The following NF1 variants were observed in gnomAD, a reference collection of about 807,000 sequenced individuals.
NF1 encodes the protein neurofibromin 1.
In NF1, 122 loss-of-function variants were observed where a neutral mutation model predicts 325.7. The observed-to-expected ratio is 0.37, with a 90% CI of 0.32 to 0.44. The LOEUF (loss-of-function observed/expected upper bound fraction) is 0.44, where lower values mean the gene tolerates loss of function less well. NF1 is among the 20% of genes least tolerant of loss of function. The probability of loss-of-function intolerance (pLI) is 1.00; values close to 1 mark genes in which losing one functional copy is unlikely to be tolerated. For synonymous variants in NF1, 1,091 were observed against 1,186.0 expected, an observed-to-expected ratio of 0.92 and a Z score of 1.65; for missense variants, 2,140 against 3,415.4, an observed-to-expected ratio of 0.63 and a Z score of 9.31.
intron 36 of NF1, chr17:31,295,004 G>A: frequency 3.1e-6 from 5 of 1,614,030 alleles, no homozygotes; most frequent in Middle Eastern, 3.3e-4. Context: ...AGAAAATGCA[G>A]ACCCTCAGAC....
rs575979398 is a variant in NF1, at chr17:31,260,282, C to T, written c.4431-87C>T. ...TCCATATTTGTAATCTTAGTTACTTCACAAAGTTACTTCTTATAAATTTAA... is the reference window on the plus strand; with the variant it reads ...TCCATATTTGTAATCTTAGTTACTTTACAAAGTTACTTCTTATAAATTTAA... On this transcript the variant is annotated intron_variant, in intron 33 of 57. Transcript: ENST00000358273. 1.8e-5 allele frequency: 25 copies of T among 1,375,898 alleles called. No individual in the cohort carries two copies. The African/African-American group carries it at 2.7e-4, about 15-fold the overall frequency. The allele number at this position is 1,375,898 out of a possible 1,614,324, so 85.2% of individuals were successfully genotyped here. A position where few individuals can be genotyped will look rare whatever the true frequency, so the allele number is the denominator to read the frequency against.
chr17:31,196,961 GT>G (rs990754335), intron 8 of NF1, among the ~76,000 whole-genome samples: 1 of 152,124 alleles, frequency 6.6e-6, no homozygotes, highest in Non-Finnish European at 1.5e-5. Flanking sequence ...ATAAGAAAGT[GT>G]GAGTTCTCCA....
chr17:31,366,551 A>G (rs1321424964), intron 57 of NF1, among the ~76,000 whole-genome samples: 1 of 152,262 alleles, frequency 6.6e-6, no homozygotes, highest in Admixed American at 6.5e-5. Flanking sequence ...CTAAACTTAG[A>G]CTTGGCTCTG....
intron 31 of NF1, chr17:31,253,224 G>T (rs2067524698): frequency 4.0e-6 from 2 of 501,194 alleles, no homozygotes; most frequent in Non-Finnish European, 3.6e-6. Flanking sequence ...GGCAATTTGT[G>T]GGCATTTGTT....
intron 36 of NF1, chr17:31,295,875 G>A: frequency 6.2e-7 from 1 of 1,614,168 alleles, no homozygotes; most frequent in Non-Finnish European, 8.5e-7. Flanking sequence ...TTACTACTGA[G>A]GTTGAGAACC....
chr17:31,245,090 G>A (rs1408893969), intron 29 of NF1, among the ~76,000 whole-genome samples: 1 of 152,088 alleles, frequency 6.6e-6, no homozygotes, highest in African/African-American at 2.4e-5. Context: ...ACCTGAAATG[G>A]ACTGCAGTGT....
intron 1 of NF1, among the ~76,000 whole-genome samples, chr17:31,127,242 T>C (rs1316420325): frequency 1.3e-5 from 2 of 152,180 alleles, no homozygotes; most frequent in Non-Finnish European, 2.9e-5. Flanking sequence ...AAAAGACTTA[T>C]AATAATGCCT....
At chr17:31,234,177 A>G (rs1477653940) in intron 27 of NF1, among the ~76,000 whole-genome samples, 1 of 152,218 alleles carries the variant, frequency 6.6e-6, no homozygotes, top group Non-Finnish European at 1.5e-5. Context: ...GTCTGTAGGC[A>G]CAATGCTGCA....
intron 29 of NF1, among the ~76,000 whole-genome samples, chr17:31,243,804 C>A (rs2067345385): frequency 1.3e-5 from 2 of 151,920 alleles, no homozygotes; most frequent in African/African-American, 4.8e-5. Context: ...AGTGCCCTAC[C>A]CCACTGTGTC....
Position 31,325,984 on chromosome 17 carries a change from C to G in NF1, c.5000C>G (p.Pro1667Arg), listed in dbSNP as rs764611240. Reference sequence around the variant, plus strand: ...CTCTCTAAGTGGTTTGTTGTTTTTCCTGGCTTTGCTTACGACAACGTCTCC... The same window carrying G: ...CTCTCTAAGTGGTTTGTTGTTTTTCGTGGCTTTGCTTACGACAACGTCTCC... ...DFLSKWFVVFPGFAYDNVSAV... is the reference protein window; with the variant it reads ...DFLSKWFVVFRGFAYDNVSAV... Residue 1667 changes from proline (P) to arginine (R), a missense_variant, in exon 37 of 58, where the codon CCT (proline) becomes CGT (arginine). This residue lies in a region of NF1 where 103 missense variants were observed against 214.6 expected (regional missense o/e 0.48). Coordinates refer to ENST00000358273, the MANE Select transcript of NF1 (RefSeq NM_001042492.3). 1 of 1,614,166 alleles carries G rather than the reference C, an allele frequency of 6.2e-7. No homozygotes were observed. Among genetic ancestry groups the G allele is most frequent in the Non-Finnish European group, 8.5e-7 (1 of 1,180,034 alleles).
At chr17:31,219,973 T>G (rs904737075) in intron 14 of NF1, among the ~76,000 whole-genome samples, 2 of 152,160 alleles carry the variant, frequency 1.3e-5, no homozygotes, top group Non-Finnish European at 2.9e-5. Context: ...ACGTTTGGTG[T>G]TGTTTCTACT....
chr17:31,313,678 C>T (rs1211229676), intron 36 of NF1, among the ~76,000 whole-genome samples: 1 of 148,598 alleles, frequency 6.7e-6, no homozygotes, highest in African/African-American at 2.5e-5. Flanking sequence ...TGCACTCCAG[C>T]CTGGGAGACA....
intron 14 of NF1, among the ~76,000 whole-genome samples, chr17:31,220,250 A>G (rs2066898778): frequency 6.6e-6 from 1 of 152,202 alleles, no homozygotes. Flanking sequence ...TACATACTGT[A>G]CAAATGTTTA....
chr17:31,233,304 A>G (rs747531131), intron 27 of NF1, 91 bp downstream of exon 27: 161 of 1,249,616 alleles, frequency 1.3e-4, no homozygotes, highest in Non-Finnish European at 1.8e-4. Context: ...TGTTGAATGA[A>G]TTGATAAAAT....
chr17:31,264,953 T>A (rs926840058), intron 35 of NF1, among the ~76,000 whole-genome samples: 2 of 152,174 alleles, frequency 1.3e-5, no homozygotes, highest in Non-Finnish European at 2.9e-5. Context: ...AATCATAAAC[T>A]TCTGTCTGGG....
chr17:31,373,759 A>C (rs2070688677), intron 57 of NF1, among the ~76,000 whole-genome samples: 2 of 152,236 alleles, frequency 1.3e-5, no homozygotes, highest in South Asian at 4.1e-4. Context: ...TTACAACTAC[A>C]TAAAGTACAC....
chr17:31,157,357 A>G (rs1308321803), intron 2 of NF1, among the ~76,000 whole-genome samples: 1 of 152,144 alleles, frequency 6.6e-6, no homozygotes, highest in Non-Finnish European at 1.5e-5. Flanking sequence ...ATAGATTGTG[A>G]AGATTGTTCC....
chr17:31,250,757 AAGG>A, intron 30 of NF1: 1 of 188,574 alleles, frequency 5.3e-6, no homozygotes, highest in Non-Finnish European at 1.1e-5. Flanking sequence ...ACAGCTAAGA[AAGG>A]AGGAAAATAG....
chr17:31,238,036 TA>T (rs2067232474), intron 29 of NF1, among the ~76,000 whole-genome samples: 1 of 110,154 alleles, frequency 9.1e-6, no homozygotes, highest in Non-Finnish European at 1.6e-5. Flanking sequence ...GAGAGACAGG[TA>T]AATGTATACA....
Sources: gnomAD v4.1 joint callset for allele counts (sites outside exome capture counted in the v4.1 genomes callset) on GRCh38, gnomAD v4.1.1 for gene constraint, gnomAD v4.1.1 regional missense constraint, MANE v1.5 for transcripts, NCBI Gene and HGNC (gene_info 2026-07-23, HGNC 2026-07-21) for gene names.